FOXP2: variants seen among roughly 807,000 people sequenced by gnomAD.
FOXP2 encodes forkhead box P2.
In FOXP2, 12 loss-of-function variants were observed where a neutral mutation model predicts 115.8. The ratio of observed to expected loss-of-function variants is 0.10; its 90% CI spans 0.07 to 0.17. The LOEUF is 0.17. Among genes scored for constraint, FOXP2 ranks in the 10% least tolerant of loss-of-function variants. The pLI, the probability that FOXP2 is intolerant of heterozygous loss-of-function variation, is 1.00. For missense variants in FOXP2, 629 were observed against 843.5 expected (o/e 0.75, Z 3.15); for synonymous variants, 328 against 297.7 (o/e 1.10, Z -1.05).
intron 3 of FOXP2, among the ~76,000 whole-genome samples, chr7:114,592,478 C>T (rs1454457926): frequency 1.3e-5 from 2 of 151,980 alleles, no homozygotes; most frequent in African/African-American, 4.8e-5. Context: ...TATATCTCCT[C>T]TTTGCCTTTC....
chr7:114,495,620 C>T, intron 2 of FOXP2, among the ~76,000 whole-genome samples: 1 of 151,166 alleles, frequency 6.6e-6, no homozygotes, highest in African/African-American at 2.4e-5. Flanking sequence ...ATTCTCTTGC[C>T]TCAGCCTCCT....
intron 1 of FOXP2, among the ~76,000 whole-genome samples, chr7:114,265,878 G>T (rs564081607): frequency 5.3e-5 from 8 of 152,200 alleles, no homozygotes; most frequent in Admixed American, 5.2e-4. Flanking sequence ...GGTCCCCTGA[G>T]CCGAGGCTGG....
At chr7:114,408,483 T>C (rs1235222926) in intron 2 of FOXP2, among the ~76,000 whole-genome samples, 1 of 152,102 alleles carries the variant, frequency 6.6e-6, no homozygotes, top group Non-Finnish European at 1.5e-5. Context: ...TTCCAATACT[T>C]TGGGAGGCCG....
At chr7:114,092,874 C>G (rs1214381826) in intron 1 of FOXP2, among the ~76,000 whole-genome samples, 2 of 151,974 alleles carry the variant, frequency 1.3e-5, no homozygotes, top group Non-Finnish European at 2.9e-5. Flanking sequence ...TTTAGTTTAG[C>G]TAAATGGCAA....
chr7:114,218,881 A>G (rs1349375316), intron 1 of FOXP2, among the ~76,000 whole-genome samples: 1 of 152,172 alleles, frequency 6.6e-6, no homozygotes, highest in Non-Finnish European at 1.5e-5. Context: ...GTATTATTAT[A>G]TCAAATCATG....
At chr7:114,649,084 C>T (rs1031973923) in intron 8 of FOXP2, among the ~76,000 whole-genome samples, 1 of 151,906 alleles carries the variant, frequency 6.6e-6, no homozygotes. Context: ...TAGAACAGGC[C>T]TGTGAAATGG....
At chr7:114,432,613 A>G (rs988338907) in intron 2 of FOXP2, among the ~76,000 whole-genome samples, 29 of 151,926 alleles carry the variant, frequency 1.9e-4, no homozygotes, top group Non-Finnish European at 1.0e-4. Context: ...AAGTTTATGT[A>G]TTGATTTAGA....
intron 2 of FOXP2, among the ~76,000 whole-genome samples, chr7:114,370,331 T>C (rs1791973548): frequency 6.6e-6 from 1 of 152,196 alleles, no homozygotes; most frequent in Admixed American, 6.5e-5. Flanking sequence ...GTCCAATCCC[T>C]CTCTGAAGCA....
chr7:114,100,341 A>G (rs2129140507), intron 1 of FOXP2, among the ~76,000 whole-genome samples: 1 of 152,248 alleles, frequency 6.6e-6, no homozygotes, highest in East Asian at 1.9e-4. Flanking sequence ...TTTCCTTTAA[A>G]ATGTTGTGTC....
intron 3 of FOXP2, among the ~76,000 whole-genome samples, chr7:114,592,503 C>G (rs1332618312): frequency 1.3e-5 from 2 of 151,962 alleles, no homozygotes; most frequent in East Asian, 1.9e-4. Flanking sequence ...GATAGCAACA[C>G]TGCCCATTTC....
rs1024107051 is a variant in FOXP2 at position 114,659,072 on chromosome 7, A to G, written c.1469-284A>G. On this transcript the variant is annotated intron_variant, in intron 11 of 16. Coordinates refer to ENST00000350908, the MANE Select transcript of FOXP2 (RefSeq NM_014491.4). ...CAAAAGTCCATGTAAGAATATGCCT[A>G]AACTACCCACTTTAAAGAAGACCTG... 3.3e-5 allele frequency among the ~76,000 whole-genome samples: 5 copies of G among 152,312 alleles called. No individual in the cohort carries two copies. The South Asian group carries it at 1.0e-3, about 32-fold the overall frequency.
At chr7:114,575,404 AT>A (rs1220449986) in intron 3 of FOXP2, among the ~76,000 whole-genome samples, 1 of 151,858 alleles carries the variant, frequency 6.6e-6, no homozygotes, top group African/African-American at 2.4e-5. Flanking sequence ...TATTTTTGGT[AT>A]TAACACTAAA....
At chr7:114,653,896 A>G (rs2129338626) in intron 9 of FOXP2, 30 bp from the exon 10 acceptor site, 1 of 1,605,304 alleles carries the variant, frequency 6.2e-7, no homozygotes, top group Non-Finnish European at 8.5e-7. Context: ...TCATTTCTAA[A>G]ACGCTTCTGA....
At chr7:114,141,235 A>T (rs1282205035) in intron 1 of FOXP2, among the ~76,000 whole-genome samples, 1 of 152,190 alleles carries the variant, frequency 6.6e-6, no homozygotes, top group Non-Finnish European at 1.5e-5. Context: ...TGAGCTCCCC[A>T]CGAGTCCCAG....
chr7:114,203,622 G>A (rs1794128952), intron 1 of FOXP2, among the ~76,000 whole-genome samples: 1 of 152,130 alleles, frequency 6.6e-6, no homozygotes, highest in Non-Finnish European at 1.5e-5. Flanking sequence ...GGGATTACAG[G>A]TGTGAGCCAC....
chr7:114,531,814 A>G (rs186419614), intron 2 of FOXP2, among the ~76,000 whole-genome samples: 155 of 152,114 alleles, frequency 1.0e-3, no homozygotes, highest in South Asian at 6.6e-3. Flanking sequence ...CTCCTTTACT[A>G]ACAGTGTAGG....
At chr7:114,293,966 T>C (rs1268544138) in intron 2 of FOXP2, among the ~76,000 whole-genome samples, 2 of 152,186 alleles carry the variant, frequency 1.3e-5, no homozygotes, top group Admixed American at 1.3e-4. Flanking sequence ...CATTATATAA[T>C]ATTTCAGCCC....
chr7:114,254,545 A>C (rs1287407635), intron 1 of FOXP2, among the ~76,000 whole-genome samples: 2 of 151,964 alleles, frequency 1.3e-5, no homozygotes, highest in Non-Finnish European at 2.9e-5. Flanking sequence ...CATTCATTTG[A>C]TCTTCAATCA....
chr7:114,318,387 T>TG (rs1797326130), intron 2 of FOXP2, among the ~76,000 whole-genome samples: 1 of 150,874 alleles, frequency 6.6e-6, no homozygotes, highest in Admixed American at 6.6e-5. Context: ...TTGTTTTTTT[T>TG]TTTTTTTTTT....
Sources: allele counts gnomAD v4.1 joint callset (sites outside exome capture counted in the v4.1 genomes callset), GRCh38; gene constraint gnomAD v4.1.1; transcripts MANE v1.5; gene names NCBI Gene and HGNC (gene_info 2026-07-23, HGNC 2026-07-21).